PCDH9: variants seen among roughly 807,000 people sequenced by gnomAD.
PCDH9 encodes the protein protocadherin 9, also known as protocadherin-9.
In PCDH9, 24 loss-of-function variants were observed where a neutral mutation model predicts 70.6. The ratio of observed to expected loss-of-function variants is 0.34; its 90% CI spans 0.25 to 0.48. The LOEUF is 0.48. Among genes scored for constraint, PCDH9 ranks in the 20% least tolerant of loss-of-function variants. The pLI is 0.99. For missense variants in PCDH9, 1,281 were observed against 1,503.6 expected, an observed-to-expected ratio of 0.85 and a Z score of 2.45; for synonymous variants, 562 against 558.5, an observed-to-expected ratio of 1.01 and a Z score of -0.09.
chr13:66,672,495 G>A (rs2078189481), intron 3 of PCDH9, among the ~76,000 whole-genome samples: 1 of 152,154 alleles, frequency 6.6e-6, no homozygotes, highest in Non-Finnish European at 1.5e-5. Context: ...ATGAGGGGTG[G>A]GAGCCCCCAT....
intron 4 of PCDH9, among the ~76,000 whole-genome samples, chr13:66,404,781 CT>C (rs1157750789): frequency 1.3e-5 from 2 of 151,738 alleles, no homozygotes; most frequent in African/African-American, 2.4e-5. Context: ...ACCTTCATGC[CT>C]TTTTCCCCCC....
At chr13:66,730,610 C>A (rs1344385295) in intron 3 of PCDH9, among the ~76,000 whole-genome samples, 1 of 151,818 alleles carries the variant, frequency 6.6e-6, no homozygotes, top group Non-Finnish European at 1.5e-5. Flanking sequence ...ATGTATATAT[C>A]ATCTCATCAT....
At chr13:67,150,070 G>C (rs144487001) in intron 2 of PCDH9, among the ~76,000 whole-genome samples, 3 of 151,894 alleles carry the variant, frequency 2.0e-5, no homozygotes, top group Non-Finnish European at 2.9e-5. Context: ...TTTTGATATG[G>C]AGTCTCACTC....
At chr13:66,997,349 G>C (rs1338445522) in intron 2 of PCDH9, among the ~76,000 whole-genome samples, 1 of 152,112 alleles carries the variant, frequency 6.6e-6, no homozygotes, top group Non-Finnish European at 1.5e-5. Context: ...GCAAGAAAGG[G>C]AGGGAGAAGG....
intron 2 of PCDH9, among the ~76,000 whole-genome samples, chr13:67,053,123 C>G (rs1399061498): frequency 6.6e-6 from 1 of 151,858 alleles, no homozygotes; most frequent in Non-Finnish European, 1.5e-5. Flanking sequence ...AAGAGTGGAA[C>G]TTACATTGAG....
intron 3 of PCDH9, among the ~76,000 whole-genome samples, chr13:66,738,094 C>T (rs2079186251): frequency 6.6e-6 from 1 of 152,196 alleles, no homozygotes; most frequent in Admixed American, 6.5e-5. Context: ...TTAAATGTCC[C>T]TGACAGCTTT....
intron 4 of PCDH9, among the ~76,000 whole-genome samples, chr13:66,614,763 T>A (rs538128878): frequency 6.6e-6 from 1 of 152,304 alleles, no homozygotes; most frequent in Admixed American, 6.5e-5. Context: ...CATTTTTACT[T>A]TCTGCAGAAA....
At chr13:66,622,753 A>C (rs921953243) in intron 4 of PCDH9, among the ~76,000 whole-genome samples, 1 of 152,170 alleles carries the variant, frequency 6.6e-6, no homozygotes, top group Non-Finnish European at 1.5e-5. Flanking sequence ...AGATAAGAGA[A>C]TAAAAGCAGG....
chr13:66,670,865 T>C (rs2078164122), intron 3 of PCDH9, among the ~76,000 whole-genome samples: 2 of 140,644 alleles, frequency 1.4e-5, no homozygotes, highest in East Asian at 2.1e-4. Context: ...TAAGTAAAGA[T>C]GAGATCATTA....
intron 4 of PCDH9, among the ~76,000 whole-genome samples, chr13:66,478,591 T>C (rs1958776294): frequency 6.6e-6 from 1 of 152,158 alleles, no homozygotes; most frequent in African/African-American, 2.4e-5. Context: ...ATTGCTGATA[T>C]GGAGAAGGTT....
intron 3 of PCDH9, among the ~76,000 whole-genome samples, chr13:66,801,330 C>T (rs2080322979): frequency 6.6e-6 from 1 of 152,094 alleles, no homozygotes; most frequent in South Asian, 2.1e-4. Context: ...GTTACCTTAA[C>T]TTCCTTTTTT....
intron 4 of PCDH9, among the ~76,000 whole-genome samples, chr13:66,483,948 G>A (rs1284025592): frequency 6.6e-6 from 1 of 152,046 alleles, no homozygotes; most frequent in Non-Finnish European, 1.5e-5. Flanking sequence ...GACATCGAGG[G>A]GAGCACCCCC....
intron 2 of PCDH9, among the ~76,000 whole-genome samples, chr13:67,191,801 C>T (rs2088921581): frequency 6.6e-6 from 1 of 152,110 alleles, no homozygotes; most frequent in Non-Finnish European, 1.5e-5. Flanking sequence ...TAAAACTCTG[C>T]TAATCCTCTT....
intron 4 of PCDH9, among the ~76,000 whole-genome samples, chr13:66,361,810 G>C (rs961828846): frequency 6.6e-6 from 1 of 152,092 alleles, no homozygotes; most frequent in Non-Finnish European, 1.5e-5. Flanking sequence ...AAATGCATAG[G>C]TTTATCTGCA....
intron 2 of PCDH9, among the ~76,000 whole-genome samples, chr13:67,052,540 C>A (rs1006066710): frequency 1.3e-5 from 2 of 151,268 alleles, no homozygotes; most frequent in Non-Finnish European, 2.9e-5. Context: ...TATAGAAGAT[C>A]AATCTAGCAG....
chr13:66,876,115 T>G (rs2081802998), intron 3 of PCDH9, among the ~76,000 whole-genome samples: 1 of 152,176 alleles, frequency 6.6e-6, no homozygotes, highest in South Asian at 2.1e-4. Flanking sequence ...CTAGTGGGAA[T>G]TATCACAATA....
chr13:66,425,781 A>C (rs1398280134), intron 4 of PCDH9, among the ~76,000 whole-genome samples: 1 of 151,664 alleles, frequency 6.6e-6, no homozygotes, highest in Non-Finnish European at 1.5e-5. Context: ...AGAATGACTA[A>C]TACTTATCAT....
chr13:66,464,146 AG>A (rs1179677536), intron 4 of PCDH9, among the ~76,000 whole-genome samples: 2 of 151,808 alleles, frequency 1.3e-5, no homozygotes, highest in African/African-American at 4.8e-5. Context: ...TTCAGATTCA[AG>A]TGTTTAACCC....
chr13:67,017,979 A>T (rs1214208169), intron 2 of PCDH9, among the ~76,000 whole-genome samples: 2 of 152,326 alleles, frequency 1.3e-5, no homozygotes, highest in Non-Finnish European at 2.9e-5. Flanking sequence ...CTTAAGAACA[A>T]ATATTTGGAC....
Sources: allele counts gnomAD v4.1 joint callset (sites outside exome capture counted in the v4.1 genomes callset), GRCh38; gene constraint gnomAD v4.1.1; transcripts MANE v1.5; gene names NCBI Gene and HGNC (gene_info 2026-07-23, HGNC 2026-07-21).